The following ZNF438 variants were observed in gnomAD, a reference collection of about 807,000 sequenced individuals.
ZNF438 encodes zinc finger protein 438.
Under a neutral mutation model 38.0 loss-of-function variants are expected in ZNF438, and 25 were observed. The observed-to-expected ratio is 0.66, with a 90% CI of 0.48 to 0.92. ZNF438 has a LOEUF of 0.92. ZNF438 is among the 40% of genes least tolerant of loss of function. The pLI, the probability that ZNF438 is intolerant of heterozygous loss-of-function variation, is 0.00. For missense variants in ZNF438, 1,007 were observed against 999.6 expected, an observed-to-expected ratio of 1.01 and a Z score of -0.10; for synonymous variants, 372 against 364.1, an observed-to-expected ratio of 1.02 and a Z score of -0.25.
chr10:31,029,055 C>A (rs943509278), intron 1 of ZNF438, among the ~76,000 whole-genome samples: 2 of 152,214 alleles, frequency 1.3e-5, no homozygotes, highest in African/African-American at 4.8e-5. Flanking sequence ...CACAGGCATG[C>A]ATACTCAACA....
intron 1 of ZNF438, among the ~76,000 whole-genome samples, chr10:30,998,772 G>T (rs539296965): frequency 3.3e-5 from 5 of 151,922 alleles, no homozygotes; most frequent in Admixed American, 1.3e-4. Context: ...AATTTTCATG[G>T]CAGTTTCATT....
intron 2 of ZNF438, 136 bp downstream of exon 3, chr10:30,941,439 C>G (rs2046811351): frequency 6.6e-6 from 1 of 152,072 alleles, no homozygotes; most frequent in African/African-American, 2.4e-5. Flanking sequence ...TTCCCAAGAC[C>G]AGTGATTCAA....
chr10:30,940,162 C>T (rs1414254001), intron 2 of ZNF438, among the ~76,000 whole-genome samples: 4 of 152,144 alleles, frequency 2.6e-5, no homozygotes, highest in African/African-American at 9.7e-5. Context: ...AAAAAGCCAG[C>T]ACACTCTTAA....
At chr10:30,995,624 T>C (rs1478042982) in intron 1 of ZNF438, among the ~76,000 whole-genome samples, 3 of 152,220 alleles carry the variant, frequency 2.0e-5, no homozygotes, top group Admixed American at 1.3e-4. Context: ...ATTGCATATT[T>C]CTTCCCCTTT....
chr10:30,918,468 G>A (rs2134823217), intron 2 of ZNF438, among the ~76,000 whole-genome samples: 1 of 152,044 alleles, frequency 6.6e-6, no homozygotes, highest in African/African-American at 2.4e-5. Flanking sequence ...GATTTTGCAT[G>A]TCTTTTGTTG....
intron 1 of ZNF438, among the ~76,000 whole-genome samples, chr10:30,980,307 G>T (rs890376656): frequency 6.6e-6 from 1 of 150,946 alleles, no homozygotes; most frequent in Non-Finnish European, 1.5e-5. Context: ...TGACTGGAGA[G>T]ATACAATGAG....
At chr10:31,013,285 C>T (rs1444245114) in intron 1 of ZNF438, among the ~76,000 whole-genome samples, 2 of 151,994 alleles carry the variant, frequency 1.3e-5, no homozygotes, top group Admixed American at 6.5e-5. Flanking sequence ...CGCCACTGCA[C>T]TCCAGCCTGG....
chr10:30,888,742 A>C (rs9416933), intron 3 of ZNF438, among the ~76,000 whole-genome samples: 1 of 152,144 alleles, frequency 6.6e-6, no homozygotes, highest in Non-Finnish European at 1.5e-5. Context: ...TCCATGGTGT[A>C]TATGTACCAC....
intron 3 of ZNF438, among the ~76,000 whole-genome samples, chr10:30,901,980 C>G (rs1387275520): frequency 3.3e-5 from 5 of 151,806 alleles, no homozygotes; most frequent in Admixed American, 3.3e-4. Context: ...CTGGTGGGTT[C>G]GTGATCTGGC....
chr10:31,012,755 C>A (rs2055828880), intron 1 of ZNF438, among the ~76,000 whole-genome samples: 1 of 152,172 alleles, frequency 6.6e-6, no homozygotes, highest in South Asian at 2.1e-4. Flanking sequence ...ATCCTCCAAG[C>A]TTCACTTCTT....
intron 1 of ZNF438, among the ~76,000 whole-genome samples, chr10:30,959,741 C>T (rs1460667569): frequency 6.8e-6 from 1 of 146,544 alleles, no homozygotes. Context: ...GAGCCAGACT[C>T]CGTCTCAATA....
At chr10:30,976,206 G>T (rs1282849233) in intron 1 of ZNF438, among the ~76,000 whole-genome samples, 9 of 151,996 alleles carry the variant, frequency 5.9e-5, no homozygotes, top group African/African-American at 9.7e-5. Flanking sequence ...ACAAAAAGCT[G>T]AAAAGATCAA....
At chr10:30,987,903 A>C (rs2136634071) in intron 1 of ZNF438, among the ~76,000 whole-genome samples, 1 of 152,316 alleles carries the variant, frequency 6.6e-6, no homozygotes, top group East Asian at 1.9e-4. Context: ...GCCCAAACTA[A>C]GACAGAAATC....
At chr10:31,022,870 G>C (rs1258616193) in intron 1 of ZNF438, among the ~76,000 whole-genome samples, 1 of 152,130 alleles carries the variant, frequency 6.6e-6, no homozygotes, top group Non-Finnish European at 1.5e-5. Flanking sequence ...TTGGAAAGCA[G>C]AAAATGCTTT....
chr10:31,016,811 T>C (rs1049575684), intron 1 of ZNF438, among the ~76,000 whole-genome samples: 1 of 152,206 alleles, frequency 6.6e-6, no homozygotes, highest in African/African-American at 2.4e-5. Context: ...GAAATACAAT[T>C]TCTTTGTAGG....
At chr10:30,933,497 A>C (rs1269662153) in intron 2 of ZNF438, among the ~76,000 whole-genome samples, 2 of 152,200 alleles carry the variant, frequency 1.3e-5, no homozygotes, top group East Asian at 3.8e-4. Flanking sequence ...TTGCACCTGT[A>C]ATTCCAGTAA....
chr10:30,901,147 C>T (rs1236454179), intron 3 of ZNF438, among the ~76,000 whole-genome samples: 1 of 152,096 alleles, frequency 6.6e-6, no homozygotes, highest in Non-Finnish European at 1.5e-5. Flanking sequence ...ACAGTTATAA[C>T]TGAAATCACA....
chr10:30,951,468 T>G (rs1197511353), intron 1 of ZNF438, among the ~76,000 whole-genome samples: 1 of 152,162 alleles, frequency 6.6e-6, no homozygotes, highest in Non-Finnish European at 1.5e-5. Flanking sequence ...TGTACCTGTT[T>G]GCAGACGACA....
exon 5 of ZNF438, chr10:30,849,762 T>A (rs1442870250): frequency 8.7e-6 from 14 of 1,614,058 alleles, no homozygotes; most frequent in African/African-American, 1.3e-5. Flanking sequence ...GCAGGAGGGT[T>A]CAGACTGCCA....
Sources: gnomAD v4.1 joint callset for allele counts (sites outside exome capture counted in the v4.1 genomes callset) on GRCh38, gnomAD v4.1.1 for gene constraint, MANE v1.5 for transcripts, NCBI Gene and HGNC (gene_info 2026-07-23, HGNC 2026-07-21) for gene names.